ST3GAL1: variants seen among roughly 807,000 people sequenced by gnomAD.
The protein encoded by ST3GAL1 is CMP-N-acetylneuraminate-beta-galactosamide-alpha-2,3-sialyltransferase 1.
A neutral mutation model predicts 34.1 loss-of-function variants in ST3GAL1; 16 were observed. The observed-to-expected ratio is 0.47, with a 90% CI of 0.32 to 0.71. The LOEUF (loss-of-function observed/expected upper bound fraction) is 0.71, where lower values mean the gene tolerates loss of function less well. Among genes scored for constraint, ST3GAL1 ranks in the 30% least tolerant of loss-of-function variants. ST3GAL1 has a pLI of 0.04. For synonymous variants in ST3GAL1, 191 were observed against 184.7 expected (o/e 1.03, Z -0.28); for missense variants, 353 against 447.4 (o/e 0.79, Z 1.90).
At chr8:133,547,111 G>A (rs1301399230) in intron 1 of ST3GAL1, among the ~76,000 whole-genome samples, 3 of 152,000 alleles carry the variant, frequency 2.0e-5, no homozygotes, top group African/African-American at 4.8e-5. Flanking sequence ...CCACCTGCAC[G>A]CACACTCTGC....
At chr8:133,492,645 C>T (rs144497707) in intron 3 of ST3GAL1, among the ~76,000 whole-genome samples, 4,012 of 152,288 alleles carry the variant, frequency 0.026, 60 homozygotes, top group Middle Eastern at 0.048. Context: ...TTGCTTGAAC[C>T]TGGGAGGTGG....
chr8:133,531,814 GAAAAAAAA>G (rs55909710), intron 2 of ST3GAL1, among the ~76,000 whole-genome samples: 3 of 99,876 alleles, frequency 3.0e-5, no homozygotes, highest in Non-Finnish European at 4.2e-5. Flanking sequence ...CTTAAAAACA[GAAAAAAAA>G]AAAAAAAAAA....
chr8:133,505,675 T>G (rs949773760), intron 2 of ST3GAL1, among the ~76,000 whole-genome samples: 2 of 152,024 alleles, frequency 1.3e-5, no homozygotes, highest in Non-Finnish European at 2.9e-5. Context: ...CAATCTTGGC[T>G]CACTGCAATC....
chr8:133,554,173 T>C (rs1202763072), intron 1 of ST3GAL1, among the ~76,000 whole-genome samples: 2 of 152,326 alleles, frequency 1.3e-5, no homozygotes, highest in South Asian at 2.1e-4. Context: ...TTCCAAAAGT[T>C]AATTTCACAA....
At chr8:133,514,935 G>T (rs561403026) in intron 2 of ST3GAL1, among the ~76,000 whole-genome samples, 8 of 152,112 alleles carry the variant, frequency 5.3e-5, no homozygotes, top group African/African-American at 1.9e-4. Context: ...ATGGCCCCCC[G>T]CTCCCCCAGC....
At chr8:133,527,702 T>C (rs1818018072) in intron 2 of ST3GAL1, among the ~76,000 whole-genome samples, 1 of 152,188 alleles carries the variant, frequency 6.6e-6, no homozygotes, top group Non-Finnish European at 1.5e-5. Flanking sequence ...ACTCAGCCCA[T>C]GGCTCACGCA....
intron 2 of ST3GAL1, chr8:133,515,758 C>G (rs1817626012): frequency 6.6e-6 from 1 of 152,078 alleles, no homozygotes; most frequent in Admixed American, 6.6e-5. Flanking sequence ...TCAGTTAAAC[C>G]AAAACAAATG....
intron 2 of ST3GAL1, among the ~76,000 whole-genome samples, chr8:133,534,624 G>T (rs569741937): frequency 2.6e-5 from 4 of 152,338 alleles, no homozygotes; most frequent in African/African-American, 9.6e-5. Context: ...AGGACCAGGA[G>T]CCCACAGACA....
chr8:133,549,056 T>C (rs1818750108), intron 1 of ST3GAL1, among the ~76,000 whole-genome samples: 1 of 152,202 alleles, frequency 6.6e-6, no homozygotes, highest in East Asian at 1.9e-4. Flanking sequence ...AAAACCTGCA[T>C]GTATATATGC....
At chr8:133,505,401 A>G (rs1285458828) in intron 2 of ST3GAL1, among the ~76,000 whole-genome samples, 3 of 152,182 alleles carry the variant, frequency 2.0e-5, no homozygotes, top group Non-Finnish European at 4.4e-5. Context: ...TTGGGGTACA[A>G]GTAGAAATGA....
At chr8:133,513,104 A>C (rs1032484736) in intron 2 of ST3GAL1, among the ~76,000 whole-genome samples, 3 of 152,296 alleles carry the variant, frequency 2.0e-5, no homozygotes, top group African/African-American at 7.2e-5. Flanking sequence ...CTCAGAGAAC[A>C]CGGTCATCAA....
intron 7 of ST3GAL1, among the ~76,000 whole-genome samples, 171 bp downstream of exon 7, chr8:133,464,607 G>T (rs1235604106): frequency 1.3e-5 from 2 of 152,160 alleles, no homozygotes; most frequent in Non-Finnish European, 2.9e-5. Flanking sequence ...AGGGAGAGAA[G>T]AGTTGGAGTA....
intron 2 of ST3GAL1, among the ~76,000 whole-genome samples, chr8:133,525,154 G>A (rs1027520382): frequency 6.6e-6 from 1 of 152,268 alleles, no homozygotes; most frequent in Non-Finnish European, 1.5e-5. Flanking sequence ...CTGAGTGACA[G>A]AACAGCTTTC....
Position 133,541,096 on chromosome 8 carries a change from C to CATATATATATATAT in ST3GAL1, c.-429+4664_-429+4677dup, listed in dbSNP as rs780797700. On this transcript the variant is annotated intron_variant, in intron 2 of 9. Coordinates refer to ENST00000522652, the MANE Select transcript of ST3GAL1 (RefSeq NM_173344.3). ...ATATATATAGACATATATATATAAACATATATATATATATATATATATATA... is the reference window on the plus strand; with the variant it reads ...ATATATATAGACATATATATATAAACATATATATATATATATATATATATATATATATATATATA... Among the ~76,000 whole-genome samples, 29 of 37,198 alleles carry CATATATATATATAT rather than the reference C, an allele frequency of 7.8e-4. 1 individual carries two copies. Among genetic ancestry groups the CATATATATATATAT allele is most frequent in the African/African-American group, 4.4e-3 (26 of 5,922 alleles). 24.4% of individuals were successfully genotyped at this position (37,198 alleles called of 152,430 possible). A position where few individuals can be genotyped will look rare whatever the true frequency, so the allele number is the denominator to read the frequency against.
At position 133,527,929 on chromosome 8, in the gene ST3GAL1, CTT is replaced by C. The variant is rs202083456; in HGVS notation, c.-429+17843_-429+17844del. On this transcript the variant is annotated intron_variant, in intron 2 of 9. Coordinates refer to ENST00000522652, the MANE Select transcript of ST3GAL1 (RefSeq NM_173344.3). ...GTGGCTCACGCCTATAATCCCACCACTTTGGGAGGCCAAAGTGGGCAGATCGA... is the reference window on the plus strand; with the variant it reads ...GTGGCTCACGCCTATAATCCCACCACTGGGAGGCCAAAGTGGGCAGATCGA... 2.9e-3 allele frequency among the ~76,000 whole-genome samples: 443 copies of C among 152,010 alleles called. 2 individuals carry two copies. The highest frequency in any genetic ancestry group is 0.01 in the African/African-American group (420 of 41,456).
At chr8:133,489,728 A>G (rs1816730612) in intron 3 of ST3GAL1, 1 of 152,334 alleles carries the variant, frequency 6.6e-6, no homozygotes, top group Middle Eastern at 3.4e-3. Context: ...TGTAGTCAAC[A>G]CCAGTAGAGC....
In ST3GAL1 at chr8:133,527,901, G is replaced by A. The variant is rs1029862931; in HGVS notation, c.-429+17873C>T. On this transcript the variant is annotated intron_variant, in intron 2 of 9. Coordinates refer to ENST00000522652, the MANE Select transcript of ST3GAL1 (RefSeq NM_173344.3). ...AAAATTACCCAGAAATGGGCTGGGC[G>A]TGGTGGCTCACGCCTATAATCCCAC... is the stretch of plus-strand genomic sequence containing the variant. 2.6e-5 allele frequency among the ~76,000 whole-genome samples: 4 copies of A among 152,104 alleles called. No homozygotes were observed. In the South Asian group the frequency reaches 6.2e-4, roughly 24 times the overall value.
intron 1 of ST3GAL1, among the ~76,000 whole-genome samples, chr8:133,555,475 G>GT (rs1818984939): frequency 6.6e-6 from 1 of 152,090 alleles, no homozygotes; most frequent in South Asian, 2.1e-4. Flanking sequence ...GTGGCTCACA[G>GT]TGACTCCCAC....
chr8:133,547,842 CT>C (rs1186577066), intron 1 of ST3GAL1, among the ~76,000 whole-genome samples: 1 of 152,166 alleles, frequency 6.6e-6, no homozygotes, highest in Non-Finnish European at 1.5e-5. Flanking sequence ...AGTTCAGCCC[CT>C]GTTGAGTTGG....
Sources: allele counts gnomAD v4.1 joint callset (sites outside exome capture counted in the v4.1 genomes callset), GRCh38; gene constraint gnomAD v4.1.1; transcripts MANE v1.5; gene names NCBI Gene and HGNC (gene_info 2026-07-23, HGNC 2026-07-21).